The following RPS6 variants were observed in gnomAD, a reference collection of about 807,000 sequenced individuals.
RPS6 encodes small ribosomal subunit protein eS6.
RPS6 carries 1 observed loss-of-function variant against 27.1 expected under a neutral mutation model. That is an observed-to-expected ratio of 0.04 (90% CI 0.01 to 0.18). RPS6 has a LOEUF of 0.18. Among genes scored for constraint, RPS6 ranks in the 10% least tolerant of loss-of-function variants. The probability of loss-of-function intolerance (pLI) is 1.00; values close to 1 mark genes in which losing one functional copy is unlikely to be tolerated. For missense variants in RPS6, 259 were observed against 319.1 expected, an observed-to-expected ratio of 0.81 and a Z score of 1.44; for synonymous variants, 152 against 106.0, an observed-to-expected ratio of 1.43 and a Z score of -2.66.
rs978223763 is a variant in RPS6, at chr9:19,379,293, T to C, written c.138+194A>G. The stretch of plus-strand genomic sequence containing the variant: ...GCAAGAATTATGTTGATGTAAACTT[T>C]ACGTATATTTTATGGCTTACTCTAC... On this transcript the variant is annotated intron_variant, in intron 2 of 5. Transcript: ENST00000380394. 1.4e-4 allele frequency: 201 copies of C among 1,473,428 alleles called. 1 individual carries two copies. In the East Asian group the frequency reaches 4.9e-3, roughly 36 times the overall value. The allele number at this position is 1,473,428 out of a possible 1,614,324, so 91.3% of individuals were successfully genotyped here.
rs761666963 is a variant in RPS6 at position 19,376,497 on chromosome 9, C to G, written c.651G>C (p.Met217Ile). Residue 217 changes from methionine to isoleucine, a missense_variant, in exon 5 of 6, where the codon ATG becomes ATC. Coordinates refer to ENST00000380394, the MANE Select transcript of RPS6 (RefSeq NM_001010.3). Reference sequence around the variant, plus strand: ...CCTCAAATCATCTTAGACTAACCTTCATTCTCTTGGCCAAAAGTTTAGCAT... The same window carrying G: ...CCTCAAATCATCTTAGACTAACCTTGATTCTCTTGGCCAAAAGTTTAGCAT... ...AEYAKLLAKR[M>I]KEAKEKRQEQ... is the part of the protein sequence containing the mutation. 4 of 1,613,890 alleles carry G rather than the reference C, an allele frequency of 2.5e-6. No homozygotes were observed. The East Asian group carries it at 6.7e-5, about 27-fold the overall frequency.
At chr9:19,380,145 T>G (rs758149120) in intron 1 of RPS6, 45 bp downstream of exon 1, 4 of 1,614,120 alleles carry the variant, frequency 2.5e-6, no homozygotes, top group East Asian at 2.2e-5. Context: ...TGGGACTCGA[T>G]TCACGTTCCC....
intron 1 of RPS6, 144 bp downstream of exon 1, chr9:19,380,046 C>G: frequency 6.3e-7 from 1 of 1,577,980 alleles, no homozygotes; most frequent in Non-Finnish European, 8.6e-7. Flanking sequence ...AGCTCCATGC[C>G]CCAGAAAGGC....
At position 19,378,765 on chromosome 9, in the gene RPS6, G is replaced by A. The variant is rs1386751153; in HGVS notation, c.292C>T (p.Arg98Cys). 6 of 1,614,040 alleles carry A rather than the reference G, an allele frequency of 3.7e-6. No homozygotes were observed. The highest frequency in any genetic ancestry group is 3.3e-5 in the Admixed American group (2 of 59,998). ...RTGERKRKSV[R>C]GCIVDANLSV... Reference sequence around the variant, plus strand: ...AGATTTGCATCCACAATGCAACCACGAACTGATTTTCTCTTTCTTTCTCCA... The same window carrying A: ...AGATTTGCATCCACAATGCAACCACAAACTGATTTTCTCTTTCTTTCTCCA... Residue 98 changes from arginine to cysteine, a missense_variant, in exon 3 of 6, where the codon CGT becomes TGT. Around this residue, in one of 3 missense-constraint regions of RPS6, gnomAD observed 191 missense variants for 231.6 expected, o/e 0.82. Transcript: ENST00000380394.
chr9:19,379,250 C>T, intron 2 of RPS6: 1 of 1,409,882 alleles, frequency 7.1e-7, no homozygotes, highest in Non-Finnish European at 9.4e-7. Flanking sequence ...TGACATATTG[C>T]CAAATGCATG....
intron 2 of RPS6, 77 bp downstream of exon 2, chr9:19,379,410 C>T: frequency 1.3e-6 from 2 of 1,589,650 alleles, no homozygotes; most frequent in Non-Finnish European, 1.7e-6. Flanking sequence ...GGAGTCTGAA[C>T]CCCATTCCAA....
intron 4 of RPS6, 161 bp from the exon 5 acceptor site, chr9:19,376,812 C>A (rs955564227): frequency 3.5e-6 from 2 of 575,994 alleles, no homozygotes; most frequent in Non-Finnish European, 5.6e-6. Flanking sequence ...CTTTTTGCCC[C>A]TCCACAGAAA....
At chr9:19,378,614 T>G (rs920422408) in intron 3 of RPS6, 94 bp downstream of exon 3, 2 of 1,570,674 alleles carry the variant, frequency 1.3e-6, no homozygotes, top group Non-Finnish European at 1.7e-6. Flanking sequence ...AACAAATCCA[T>G]TGGTCTGTAA....
intron 2 of RPS6, 145 bp from the exon 3 acceptor site, chr9:19,379,063 G>GT: frequency 1.1e-6 from 1 of 890,684 alleles, no homozygotes; most frequent in East Asian, 2.7e-5. Flanking sequence ...TCTCTGTTCA[G>GT]TGAGTTTTGT....
chr9:19,380,122 C>T, intron 1 of RPS6, 68 bp downstream of exon 1: 1 of 1,614,132 alleles, frequency 6.2e-7, no homozygotes, highest in Non-Finnish European at 8.5e-7. Context: ...GGAACTGAGG[C>T]AATGCCGCGT....
At chr9:19,379,393 AGAACCCGGAGTCT>A (rs1474027139) in intron 2 of RPS6, 81 bp downstream of exon 2, 1 of 1,570,344 alleles carries the variant, frequency 6.4e-7, no homozygotes, top group African/African-American at 1.4e-5. Flanking sequence ...GTCAGAAGCC[AGAACCCGGAGTCT>A]GAACCCCATT....
rs2132427337 is a variant in RPS6, at chr9:19,378,273, C to A, written c.496+95G>T. The A allele has an allele frequency of 1.2e-5, 15 of 1,244,156 alleles. No individual in the cohort carries two copies. In the South Asian group the frequency reaches 2.0e-4, roughly 17 times the overall value. The allele number at this position is 1,244,156 out of a possible 1,614,324, so 77.1% of individuals were successfully genotyped here. A position where few individuals can be genotyped will look rare whatever the true frequency, so the allele number is the denominator to read the frequency against. ...AAACTCCAAGTGAATAGTGCTAAGG[C>A]CTTCCAAAGGCACATATTTATCTTC... On this transcript the variant is annotated intron_variant, in intron 4 of 5. Transcript: ENST00000380394.
At chr9:19,380,022 CCGTT>C in intron 1 of RPS6, 164 bp downstream of exon 1, 4 of 1,521,888 alleles carry the variant, frequency 2.6e-6, no homozygotes, top group Non-Finnish European at 3.5e-6. Flanking sequence ...CGCCTGCCAT[CCGTT>C]CGGCCAAAAA....
chr9:19,378,468 G>A lies in RPS6; in HGVS notation c.396C>T (p.Arg132=), dbSNP rs541096547. 6.8e-6 allele frequency: 11 copies of A among 1,614,014 alleles called. No individual in the cohort carries two copies. Among genetic ancestry groups the A allele is most frequent in the Non-Finnish European group, 7.6e-6 (9 of 1,180,026 alleles). The stretch of plus-strand genomic sequence containing the variant: ...TTCTGCTAGCTCTTTTGGGGCCCAG[G>A]CGGCGAGGCACTGTAGTATCAGTCA... The part of the protein sequence containing the change: ...PGLTDTTVPR[R]LGPKRASRIR... The change falls in exon 4 of 6, where the codon CGC becomes CGT. Residue 132 remains arginine, a synonymous_variant. Transcript: ENST00000380394.
rs766005931 is a variant in RPS6 at position 19,379,508 on chromosome 9, G to A, written c.117C>T (p.Asp39=). 6.2e-6 allele frequency: 10 copies of A among 1,614,126 alleles called. No homozygotes were observed. Among genetic ancestry groups the A allele is most frequent in the Non-Finnish European group, 7.6e-6 (9 of 1,180,030 alleles). ...EKRMATEVAA[D]ALGEEWKGYV... is the part of the protein sequence containing the mutation. ...TTACCTTCCATTCTTCACCCAGAGC[G>A]TCAGCAGCAACTTCTGTGGCCATAC... Residue 39 remains aspartate, a synonymous_variant, in exon 2 of 6, where the codon GAC becomes GAT. Transcript: ENST00000380394.
intron 1 of RPS6, 142 bp downstream of exon 1, chr9:19,380,048 C>T: frequency 6.3e-7 from 1 of 1,582,730 alleles, no homozygotes; most frequent in Non-Finnish European, 8.6e-7. Flanking sequence ...CTCCATGCCC[C>T]AGAAAGGCGA....
chr9:19,380,203 C>G lies in RPS6; in HGVS notation c.-8G>C, dbSNP rs909459280. 1.2e-6 allele frequency: 2 copies of G among 1,614,174 alleles called. No homozygotes were observed. The highest frequency in any genetic ancestry group is 1.7e-6 in the Non-Finnish European group (2 of 1,180,026). On this transcript the variant is annotated 5_prime_UTR_variant, in exon 1 of 6. Coordinates refer to ENST00000380394, the MANE Select transcript of RPS6 (RefSeq NM_001010.3). The stretch of plus-strand genomic sequence containing the variant: ...ACCATCACCTACCTTCATCTTGAAG[C>G]AGCTGAACGCCTCCGAGGCGCCACG...
At position 19,378,470 on chromosome 9, in the gene RPS6, G is replaced by A. The variant is rs1398003220; in HGVS notation, c.394C>T (p.Arg132Cys). ...CTGCTAGCTCTTTTGGGGCCCAGGCGGCGAGGCACTGTAGTATCAGTCAGT... is the reference window on the plus strand; with the variant it reads ...CTGCTAGCTCTTTTGGGGCCCAGGCAGCGAGGCACTGTAGTATCAGTCAGT... ...PGLTDTTVPR[R>C]LGPKRASRIR... The change falls in exon 4 of 6, where the codon CGC becomes TGC. Residue 132 changes from arginine (R) to cysteine (C), a missense_variant. By Grantham distance (180) the Arg-to-Cys change is radical. Around this residue, in one of 3 missense-constraint regions of RPS6, gnomAD observed 191 missense variants for 231.6 expected, o/e 0.82. Transcript: ENST00000380394. 11 of 1,613,958 alleles carry A rather than the reference G, an allele frequency of 6.8e-6. No individual in the cohort carries two copies. Among genetic ancestry groups the A allele is most frequent in the Non-Finnish European group, 9.3e-6 (11 of 1,180,032 alleles).
rs765357060 is a variant in RPS6, at chr9:19,376,310, C to G, written c.733G>C (p.Glu245Gln). The change falls in exon 6 of 6, where the codon GAA (glutamate) becomes CAA (glutamine). Residue 245 changes from glutamate to glutamine, a missense_variant. Coordinates refer to ENST00000380394, the MANE Select transcript of RPS6 (RefSeq NM_001010.3). ...AAAAAATCTTATTTCTGACTGGATT[C>G]AGACTTAGAAGTAGAAGCTCGCAGA... ...SSLRASTSKS[E>Q]SSQK The G allele has an allele frequency of 3.1e-6, 5 of 1,613,076 alleles. No individual in the cohort carries two copies. The highest frequency in any genetic ancestry group is 4.2e-6 in the Non-Finnish European group (5 of 1,179,784).
Sources: allele counts gnomAD v4.1 joint callset, GRCh38; gene constraint gnomAD v4.1.1; regional missense constraint gnomAD v4.1.1; transcripts MANE v1.5; gene names NCBI Gene and HGNC (gene_info 2026-07-23, HGNC 2026-07-21).